HS3ST2: variants seen among roughly 807,000 people sequenced by gnomAD.
HS3ST2 encodes heparan sulfate-glucosamine 3-sulfotransferase 2.
Under a neutral mutation model 26.3 loss-of-function variants are expected in HS3ST2, and 17 were observed. The observed-to-expected ratio is 0.65, with a 90% CI of 0.44 to 0.97. The LOEUF is 0.97. Ranked by LOEUF, HS3ST2 falls within the 50% of genes least tolerant of loss-of-function variation. The pLI, the probability that HS3ST2 is intolerant of heterozygous loss-of-function variation, is 0.00. For missense variants in HS3ST2, 402 were observed against 501.2 expected, an observed-to-expected ratio of 0.80 and a Z score of 1.89; for synonymous variants, 237 against 219.2, an observed-to-expected ratio of 1.08 and a Z score of -0.72.
chr16:22,888,187 A>C (rs1902086790), intron 1 of HS3ST2, among the ~76,000 whole-genome samples: 1 of 152,070 alleles, frequency 6.6e-6, no homozygotes. Context: ...ATTGAATTTA[A>C]ATCCTTGTCT....
At chr16:22,867,179 A>G (rs995769562) in intron 1 of HS3ST2, among the ~76,000 whole-genome samples, 1 of 152,210 alleles carries the variant, frequency 6.6e-6, no homozygotes, top group African/African-American at 2.4e-5. Context: ...AGTGGGAAAG[A>G]CTTATTTAAC....
intron 1 of HS3ST2, among the ~76,000 whole-genome samples, chr16:22,840,429 C>A (rs1041398517): frequency 2.6e-5 from 4 of 151,744 alleles, no homozygotes; most frequent in African/African-American, 7.3e-5. Flanking sequence ...GTCACCCAGG[C>A]TGGAGTTAAG....
intron 1 of HS3ST2, among the ~76,000 whole-genome samples, chr16:22,837,010 G>C (rs773762171): frequency 1.3e-5 from 2 of 151,986 alleles, no homozygotes; most frequent in African/African-American, 4.8e-5. Flanking sequence ...GTTGTCTTAG[G>C]TCATCTATGT....
chr16:22,822,592 G>T (rs1488619982), intron 1 of HS3ST2, among the ~76,000 whole-genome samples: 1 of 152,110 alleles, frequency 6.6e-6, no homozygotes, highest in Non-Finnish European at 1.5e-5. Flanking sequence ...AGTGGCTGAC[G>T]CCTGTAATCC....
chr16:22,871,328 C>T (rs1377059452), intron 1 of HS3ST2, among the ~76,000 whole-genome samples: 1 of 149,942 alleles, frequency 6.7e-6, no homozygotes, highest in Non-Finnish European at 1.5e-5. Flanking sequence ...TGTATTCTAG[C>T]CTGGCGACAG....
At chr16:22,909,343 A>T (rs891072396) in intron 1 of HS3ST2, among the ~76,000 whole-genome samples, 1 of 152,272 alleles carries the variant, frequency 6.6e-6, no homozygotes, top group Non-Finnish European at 1.5e-5. Context: ...TTGCAGAGCT[A>T]CATAGAAAAC....
At chr16:22,899,504 A>G (rs1268682998) in intron 1 of HS3ST2, among the ~76,000 whole-genome samples, 1 of 152,152 alleles carries the variant, frequency 6.6e-6, no homozygotes, top group Admixed American at 6.5e-5. Flanking sequence ...AGTCATGCAG[A>G]GCTAGAAAGC....
intron 1 of HS3ST2, among the ~76,000 whole-genome samples, chr16:22,876,258 A>C (rs1265551598): frequency 6.6e-6 from 1 of 152,202 alleles, no homozygotes; most frequent in Non-Finnish European, 1.5e-5. Context: ...CAAGAATAAA[A>C]CAAATAATCT....
chr16:22,884,208 A>T (rs147109307), intron 1 of HS3ST2, among the ~76,000 whole-genome samples: 1 of 152,200 alleles, frequency 6.6e-6, no homozygotes, highest in Non-Finnish European at 1.5e-5. Context: ...GGGGCTTCAC[A>T]TGATATCATG....
chr16:22,882,125 C>T (rs1016756263), intron 1 of HS3ST2, among the ~76,000 whole-genome samples: 11 of 151,656 alleles, frequency 7.3e-5, no homozygotes, highest in Non-Finnish European at 1.0e-4. Context: ...TTGGGGAGGC[C>T]GAGGTGGGAG....
At chr16:22,857,556 C>A (rs760319359) in intron 1 of HS3ST2, among the ~76,000 whole-genome samples, 1 of 152,196 alleles carries the variant, frequency 6.6e-6, no homozygotes, top group Non-Finnish European at 1.5e-5. Context: ...AAGAGCCTGA[C>A]AAATGGAACA....
At chr16:22,874,949 G>A (rs548915714) in intron 1 of HS3ST2, among the ~76,000 whole-genome samples, 2 of 152,266 alleles carry the variant, frequency 1.3e-5, no homozygotes, top group Non-Finnish European at 2.9e-5. Flanking sequence ...AAGGCTGCAC[G>A]AATGTGTCCT....
At chr16:22,914,870 G>T in intron 1 of HS3ST2, 74 bp from the exon 2 acceptor site, 1 of 1,481,630 alleles carries the variant, frequency 6.7e-7, no homozygotes, top group Middle Eastern at 2.1e-4. Flanking sequence ...CTGGGTGGAA[G>T]GGCTGATGTA....
chr16:22,891,591 A>C (rs1243132832), intron 1 of HS3ST2, among the ~76,000 whole-genome samples: 1 of 152,262 alleles, frequency 6.6e-6, no homozygotes, highest in East Asian at 1.9e-4. Flanking sequence ...CATAATTACA[A>C]TTAAAAAATC....
chr16:22,822,727 C>T (rs370153717), intron 1 of HS3ST2, among the ~76,000 whole-genome samples: 10 of 151,834 alleles, frequency 6.6e-5, no homozygotes, highest in East Asian at 3.9e-4. Context: ...TGGTGGCGTG[C>T]GCCTGTAGTC....
Position 22,915,922 on chromosome 16 carries a change from T to C in HS3ST2, c.*360T>C, listed in dbSNP as rs1902490278. 1 of 219,104 alleles carries C rather than the reference T, an allele frequency of 4.6e-6. No homozygotes were observed. The highest frequency in any genetic ancestry group is 5.2e-5 in the Admixed American group (1 of 19,318). The allele number at this position is 219,104 out of a possible 1,614,324, so 13.6% of individuals were successfully genotyped here. ...GGTTCTGTTGCTATGAACACAGCAGTCGGTCCCTGTCATTGTCCACCCAGG... is the reference window on the plus strand; with the variant it reads ...GGTTCTGTTGCTATGAACACAGCAGCCGGTCCCTGTCATTGTCCACCCAGG... On this transcript the variant is annotated 3_prime_UTR_variant, in exon 2 of 2. Coordinates refer to ENST00000261374, the MANE Select transcript of HS3ST2 (RefSeq NM_006043.2).
chr16:22,831,324 G>T (rs183106055), intron 1 of HS3ST2, among the ~76,000 whole-genome samples: 2 of 152,284 alleles, frequency 1.3e-5, no homozygotes, highest in East Asian at 3.9e-4. Flanking sequence ...TATCATGTTT[G>T]GTTGTCATTG....
intron 1 of HS3ST2, among the ~76,000 whole-genome samples, chr16:22,906,708 AAAC>A (rs1902359500): frequency 6.6e-6 from 1 of 152,242 alleles, no homozygotes; most frequent in Non-Finnish European, 1.5e-5. Flanking sequence ...GAAATCTTGA[AAAC>A]AACAGAAAAT....
intron 1 of HS3ST2, among the ~76,000 whole-genome samples, chr16:22,911,973 A>G (rs1253246128): frequency 1.3e-5 from 2 of 152,088 alleles, no homozygotes; most frequent in Non-Finnish European, 2.9e-5. Flanking sequence ...AATACAAAAA[A>G]TAGCTAGGAG....
Sources: allele counts gnomAD v4.1 joint callset (sites outside exome capture counted in the v4.1 genomes callset), GRCh38; gene constraint gnomAD v4.1.1; transcripts MANE v1.5; gene names NCBI Gene and HGNC (gene_info 2026-07-23, HGNC 2026-07-21).